FAM120B: variants seen among roughly 807,000 people sequenced by gnomAD.
FAM120B encodes constitutive coactivator of peroxisome proliferator-activated receptor gamma.
FAM120B carries 83 observed loss-of-function variants against 96.3 expected under a neutral mutation model. That is an observed-to-expected ratio of 0.86 (90% CI 0.72 to 1.03). The LOEUF is 1.03. Among genes scored for constraint, FAM120B ranks in the 50% least tolerant of loss-of-function variants. The pLI is 0.00. For missense variants in FAM120B, 1,027 were observed against 1,121.2 expected (o/e 0.92, Z 1.20); for synonymous variants, 407 against 402.7 (o/e 1.01, Z -0.13).
rs1778750638 is a variant in FAM120B, at chr6:170,404,864, G to A, written c.*113G>A. ...AGGAGACCATGCCTGTGGGAGCCAG[G>A]CCTCGCTTGCATGAAGAAGGAACGA... On this transcript the variant is annotated 3_prime_UTR_variant, in exon 11 of 11. Transcript: ENST00000476287. 2 of 459,362 alleles carry A rather than the reference G, an allele frequency of 4.4e-6. No homozygotes were observed. Among genetic ancestry groups the A allele is most frequent in the Non-Finnish European group, 7.7e-6 (2 of 258,316 alleles). The allele number at this position is 459,362 out of a possible 1,614,324, so 28.5% of individuals were successfully genotyped here. A position where few individuals can be genotyped will look rare whatever the true frequency, so the allele number is the denominator to read the frequency against.
In FAM120B at chr6:170,314,030, A is replaced by G. The variant is rs184284171; in HGVS notation, c.-21-3340A>G. ...GCTGAGCGCATTGCTCTTAACCTCAAGGTTTGTAAGTTGAAAGATTATAGT... is the reference window on the plus strand; with the variant it reads ...GCTGAGCGCATTGCTCTTAACCTCAGGGTTTGTAAGTTGAAAGATTATAGT... On this transcript the variant is annotated intron_variant, in intron 1 of 10. Transcript: ENST00000476287. Among the ~76,000 whole-genome samples the G allele has an allele frequency of 2.2e-3, 335 of 152,314 alleles. 9 individuals carry two copies. Among genetic ancestry groups the G allele is most frequent in the Admixed American group, 0.02 (301 of 15,296 alleles).
At chr6:170,324,880 C>T (rs1785497050) in intron 3 of FAM120B, among the ~76,000 whole-genome samples, 1 of 151,952 alleles carries the variant, frequency 6.6e-6, no homozygotes, top group African/African-American at 2.4e-5. Context: ...GTTTATGATC[C>T]CATTTGTAGT....
At chr6:170,389,907 C>CCCCACTTCTGATAT (rs1399893299) in intron 7 of FAM120B, among the ~76,000 whole-genome samples, 5 of 152,086 alleles carry the variant, frequency 3.3e-5, no homozygotes, top group African/African-American at 7.2e-5. Context: ...TGCAAAAGTG[C>CCCCACTTCTGATAT]CCCACAGATA....
intron 6 of FAM120B, among the ~76,000 whole-genome samples, chr6:170,360,999 G>A (rs906446532): frequency 6.6e-6 from 1 of 151,782 alleles, no homozygotes; most frequent in Non-Finnish European, 1.5e-5. Flanking sequence ...TTGGGAGTTC[G>A]CAGTGGCTTT....
chr6:170,299,157 G>A (rs1223409271), intron 1 of FAM120B, among the ~76,000 whole-genome samples: 2 of 152,180 alleles, frequency 1.3e-5, no homozygotes, highest in Non-Finnish European at 2.9e-5. Flanking sequence ...GAGGCTATTA[G>A]CACCTGGCCT....
chr6:170,388,604 G>A, intron 7 of FAM120B, 111 bp downstream of exon 7: 1 of 892,848 alleles, frequency 1.1e-6, no homozygotes, highest in Non-Finnish European at 1.8e-6. Context: ...TCCAAATAAA[G>A]GATTCCGTTA....
intron 7 of FAM120B, among the ~76,000 whole-genome samples, chr6:170,389,248 A>G (rs778481520): frequency 6.6e-6 from 1 of 152,218 alleles, no homozygotes; most frequent in Non-Finnish European, 1.5e-5. Flanking sequence ...TACTCCTTAT[A>G]CAATAGCCCG....
In FAM120B at chr6:170,370,817, A is replaced by G. The variant is rs186074276; in HGVS notation, c.2283+12499A>G. Among the ~76,000 whole-genome samples the G allele has an allele frequency of 7.9e-5, 12 of 152,278 alleles. No homozygotes were observed. The highest frequency in any genetic ancestry group is 2.9e-4 in the African/African-American group (12 of 41,556). On this transcript the variant is annotated intron_variant, in intron 6 of 10. Transcript: ENST00000476287. This position sits in a 1 kb window ranked among gnomAD's most constrained non-coding sequence, Gnocchi z 4.3. ...AATACAATTATTCCTATTCTTCATTATGCTGAGGTCTCAGGATGGTTGTGC... is the reference window on the plus strand; with the variant it reads ...AATACAATTATTCCTATTCTTCATTGTGCTGAGGTCTCAGGATGGTTGTGC...
At chr6:170,352,809 A>G (rs114875610) in intron 5 of FAM120B, among the ~76,000 whole-genome samples, 12,401 of 152,270 alleles carry the variant, frequency 0.081, 556 homozygotes, top group Non-Finnish European at 0.1. Flanking sequence ...ACAACCTGAC[A>G]TCTCTACTAA....
At chr6:170,372,123 T>C (rs1224821973) in intron 6 of FAM120B, among the ~76,000 whole-genome samples, 1 of 152,188 alleles carries the variant, frequency 6.6e-6, no homozygotes, top group Non-Finnish European at 1.5e-5. Flanking sequence ...TATCTAGACA[T>C]ACAGTGTCTT....
chr6:170,341,654 G>A (rs909117239), intron 4 of FAM120B, among the ~76,000 whole-genome samples: 2 of 152,146 alleles, frequency 1.3e-5, no homozygotes, highest in Admixed American at 6.6e-5. Flanking sequence ...TCTGATCTGC[G>A]GATTGCAAAA....
upstream of FAM120B, chr6:170,306,526 C>T (rs1489900235): frequency 4.6e-5 from 7 of 152,274 alleles, no homozygotes; most frequent in Non-Finnish European, 8.8e-5. Flanking sequence ...GGGCAGCTAC[C>T]TGACTGCGCG....
chr6:170,385,815 A>T (rs958328722), intron 6 of FAM120B, among the ~76,000 whole-genome samples: 10 of 152,244 alleles, frequency 6.6e-5, no homozygotes, highest in Non-Finnish European at 1.2e-4. Context: ...TACGTCTATC[A>T]AGCTATGAAA....
chr6:170,322,316 G>A (rs774140238), intron 2 of FAM120B, among the ~76,000 whole-genome samples: 8 of 152,166 alleles, frequency 5.3e-5, no homozygotes, highest in Admixed American at 4.6e-4. Context: ...AGACAGCTGC[G>A]TTACAGGGAA....
At chr6:170,397,137 G>A (rs527806520) in intron 9 of FAM120B, among the ~76,000 whole-genome samples, 3 of 152,278 alleles carry the variant, frequency 2.0e-5, no homozygotes, top group East Asian at 1.9e-4. Context: ...GCAGCTGGCC[G>A]TGCACATTAG....
chr6:170,324,095 T>A (rs1019638556), intron 3 of FAM120B, among the ~76,000 whole-genome samples: 1 of 152,192 alleles, frequency 6.6e-6, no homozygotes, highest in Non-Finnish European at 1.5e-5. Context: ...GGTGGTCCAT[T>A]TGCCTAAACA....
intron 5 of FAM120B, among the ~76,000 whole-genome samples, chr6:170,352,775 A>T (rs1436790291): frequency 1.3e-5 from 2 of 152,166 alleles, no homozygotes; most frequent in African/African-American, 4.8e-5. Flanking sequence ...TTATAGCACT[A>T]AATGCTGGAA....
intron 6 of FAM120B, among the ~76,000 whole-genome samples, chr6:170,364,785 C>T (rs1320418543): frequency 1.3e-5 from 2 of 152,204 alleles, no homozygotes; most frequent in African/African-American, 2.4e-5. Flanking sequence ...GCCTTTCTTT[C>T]CTCCCCAAGA....
rs1788290065 is a variant in FAM120B, at chr6:170,360,601, T to C, written c.2283+2283T>C. 2.0e-5 allele frequency among the ~76,000 whole-genome samples: 3 copies of C among 152,184 alleles called. No individual in the cohort carries two copies. The South Asian group carries it at 6.2e-4, about 32-fold the overall frequency. ...CCATCCACTCAGCAGCACTGGCGTA[T>C]ACAAACGTAGCAGAGACTTGTCCCA... is the stretch of plus-strand genomic sequence containing the variant. On this transcript the variant is annotated intron_variant, in intron 6 of 10. Coordinates refer to ENST00000476287, the MANE Select transcript of FAM120B (RefSeq NM_032448.3).
Sources: allele counts gnomAD v4.1 joint callset (sites outside exome capture counted in the v4.1 genomes callset), GRCh38; gene constraint gnomAD v4.1.1; non-coding constraint Gnocchi (gnomAD v3.1); transcripts MANE v1.5; gene names NCBI Gene and HGNC (gene_info 2026-07-23, HGNC 2026-07-21).